Variants in MAML3 observed in about 807,000 individuals in gnomAD.
MAML3 encodes the protein mastermind like transcriptional coactivator 3.
A neutral mutation model predicts 101.9 loss-of-function variants in MAML3; 27 were observed. The ratio of observed to expected loss-of-function variants is 0.27; its 90% confidence interval spans 0.20 to 0.37. The LOEUF (loss-of-function observed/expected upper bound fraction) is 0.37. Ranked by LOEUF, MAML3 falls within the 10% of genes least tolerant of loss-of-function variation. The pLI is 1.00. For missense variants in MAML3, 1,316 were observed against 1,444.9 expected, an observed-to-expected ratio of 0.91 and a Z score of 1.45; for synonymous variants, 501 against 555.9, an observed-to-expected ratio of 0.90 and a Z score of 1.39.
rs555971445 is a variant in MAML3 at position 140,011,875 on chromosome 4, A to C, written c.469-120908T>G. ...TCCACTTTAAACATTCCACCACTGAAAAAAGGTGAAAAGGGAGGAAAAACT... is the reference window on the plus strand; with the variant it reads ...TCCACTTTAAACATTCCACCACTGACAAAAGGTGAAAAGGGAGGAAAAACT... On this transcript the variant is annotated intron_variant, in intron 1 of 4. Transcript: ENST00000509479. 4.6e-5 allele frequency among the ~76,000 whole-genome samples: 7 copies of C among 152,314 alleles called. No individual in the cohort carries two copies. In the East Asian group the frequency reaches 1.2e-3, roughly 25 times the overall value.
chr4:140,108,850 C>T (rs183374149), intron 1 of MAML3, among the ~76,000 whole-genome samples: 89 of 152,168 alleles, frequency 5.8e-4, no homozygotes, highest in Non-Finnish European at 1.1e-3. Context: ...GACTCAGGGG[C>T]CCTACCAGGA....
chr4:140,152,840 C>T lies in MAML3; in HGVS notation c.468+20G>A, dbSNP rs1034893258. On this transcript the variant is annotated intron_variant, in intron 1 of 4. Transcript: ENST00000509479. ...CCACCCCCAACGCGCGCCGCAAGCC[C>T]GCTGCCCGTGCGCCCTCACCATGAT... 3.7e-6 allele frequency: 6 copies of T among 1,601,300 alleles called. No individual in the cohort carries two copies. Among genetic ancestry groups the T allele is most frequent in the Non-Finnish European group, 5.1e-6 (6 of 1,173,312 alleles).
chr4:140,072,545 C>G (rs543310024), intron 1 of MAML3, among the ~76,000 whole-genome samples: 1 of 152,168 alleles, frequency 6.6e-6, no homozygotes, highest in Non-Finnish European at 1.5e-5. Flanking sequence ...TGGCGCGTGC[C>G]TGTAATCCCA....
intron 2 of MAML3, among the ~76,000 whole-genome samples, chr4:139,842,457 G>T (rs1578626867): frequency 6.6e-6 from 1 of 152,160 alleles, no homozygotes; most frequent in East Asian, 1.9e-4. Context: ...CTGCATTCAT[G>T]AGCATCTACT....
rs187730311 is a variant in MAML3, at chr4:140,095,888, T to C, written c.468+56972A>G. 4.6e-5 allele frequency among the ~76,000 whole-genome samples: 7 copies of C among 152,322 alleles called. No homozygotes were observed. In the East Asian group the frequency reaches 7.7e-4, roughly 17 times the overall value. On this transcript the variant is annotated intron_variant, in intron 1 of 4. Transcript: ENST00000509479. The stretch of plus-strand genomic sequence containing the variant: ...GTTCACGGACTCCCCACCTCCAGAC[T>C]GGGCTAAGTGCTTCATACACATTTC...
At chr4:139,859,094 A>G (rs1320265494) in intron 2 of MAML3, among the ~76,000 whole-genome samples, 1 of 152,166 alleles carries the variant, frequency 6.6e-6, no homozygotes, top group Non-Finnish European at 1.5e-5. Flanking sequence ...ACCACACTCA[A>G]AAGCACCTCA....
rs542677118 is a variant in MAML3 at position 140,057,149 on chromosome 4, A to C, written c.468+95711T>G. On this transcript the variant is annotated intron_variant, in intron 1 of 4. Transcript: ENST00000509479. ...AAATTAGCCAGGTGGGATGGCATGC[A>C]TCTGTAGTCCCAGCTATTTGGGCGG... Among the ~76,000 whole-genome samples, 5 of 152,298 alleles carry C rather than the reference A, an allele frequency of 3.3e-5. No individual in the cohort carries two copies. In the East Asian group the frequency reaches 9.6e-4, roughly 29 times the overall value.
At chr4:140,076,833 A>C (rs999774182) in intron 1 of MAML3, among the ~76,000 whole-genome samples, 4 of 152,058 alleles carry the variant, frequency 2.6e-5, no homozygotes, top group Admixed American at 6.6e-5. Context: ...ACAGGGAAGG[A>C]ATCTTATCTC....
At chr4:140,019,673 C>G (rs1374975621) in intron 1 of MAML3, among the ~76,000 whole-genome samples, 1 of 152,192 alleles carries the variant, frequency 6.6e-6, no homozygotes, top group East Asian at 1.9e-4. Flanking sequence ...CAGAAAACAA[C>G]ACCTCATCTA....
chr4:139,834,471 G>C lies in MAML3; in HGVS notation c.2079+54886C>G, dbSNP rs563547779. Among the ~76,000 whole-genome samples, 6 of 152,324 alleles carry C rather than the reference G, an allele frequency of 3.9e-5. No homozygotes were observed. In the South Asian group the frequency reaches 6.2e-4, roughly 16 times the overall value. ...ATGTGGCCTGGGGATCCCCGTGGCC[G>C]GCCAGCGCCCTCTGTAAGACAGCGC... is the stretch of plus-strand genomic sequence containing the variant. On this transcript the variant is annotated intron_variant, in intron 2 of 4. Transcript: ENST00000509479.
At chr4:139,747,379 A>AG (rs1425537336) in intron 2 of MAML3, among the ~76,000 whole-genome samples, 4 of 152,178 alleles carry the variant, frequency 2.6e-5, no homozygotes. Context: ...AATGAATTCT[A>AG]GGGGGAAGAA....
intron 1 of MAML3, among the ~76,000 whole-genome samples, chr4:140,149,535 T>G (rs910952325): frequency 6.6e-6 from 1 of 152,252 alleles, no homozygotes; most frequent in Non-Finnish European, 1.5e-5. Flanking sequence ...TAGACTGCCT[T>G]CTTAATCCAA....
chr4:139,932,453 T>A (rs1187314557), intron 1 of MAML3, among the ~76,000 whole-genome samples: 1 of 152,234 alleles, frequency 6.6e-6, no homozygotes, highest in Non-Finnish European at 1.5e-5. Context: ...AGTGCTTTAA[T>A]AAGTAGATAA....
intron 1 of MAML3, among the ~76,000 whole-genome samples, chr4:140,008,798 A>T (rs1260812720): frequency 6.6e-6 from 1 of 151,940 alleles, no homozygotes; most frequent in African/African-American, 2.4e-5. Flanking sequence ...TCTGCAACTG[A>T]CTCCTTGCGA....
At chr4:140,073,074 T>C (rs927378366) in intron 1 of MAML3, among the ~76,000 whole-genome samples, 4 of 151,852 alleles carry the variant, frequency 2.6e-5, no homozygotes, top group Admixed American at 6.6e-5. Context: ...ATAAAATCTA[T>C]GGGAGAACTG....
At chr4:140,079,659 C>T (rs560810330) in intron 1 of MAML3, among the ~76,000 whole-genome samples, 1 of 152,162 alleles carries the variant, frequency 6.6e-6, no homozygotes, top group East Asian at 1.9e-4. Context: ...AACTCCCATC[C>T]CCCCAAAAAT....
At chr4:139,988,130 C>A (rs1356007255) in intron 1 of MAML3, among the ~76,000 whole-genome samples, 1 of 150,794 alleles carries the variant, frequency 6.6e-6, no homozygotes, top group African/African-American at 2.4e-5. Context: ...AGTTCAAGAC[C>A]AGCCTGGCCA....
intron 1 of MAML3, among the ~76,000 whole-genome samples, chr4:139,948,521 A>G (rs1733776953): frequency 6.6e-6 from 1 of 152,218 alleles, no homozygotes; most frequent in African/African-American, 2.4e-5. Context: ...TATTAACTAC[A>G]GTGCAGAATT....
intron 1 of MAML3, among the ~76,000 whole-genome samples, chr4:139,892,363 G>T (rs974222352): frequency 6.6e-6 from 1 of 151,834 alleles, no homozygotes; most frequent in Non-Finnish European, 1.5e-5. Flanking sequence ...AACCTCCCAC[G>T]TCAGCAATCA....
Sources: allele counts gnomAD v4.1 joint callset (sites outside exome capture counted in the v4.1 genomes callset), GRCh38; gene constraint gnomAD v4.1.1; transcripts MANE v1.5; gene names NCBI Gene and HGNC (gene_info 2026-07-23, HGNC 2026-07-21).